Variants in RHBDL2 observed in about 807,000 individuals in gnomAD.
RHBDL2 encodes rhomboid-related protein 2.
RHBDL2 carries 26 observed loss-of-function variants against 31.7 expected under a neutral mutation model. That is an observed-to-expected ratio of 0.82 (90% CI 0.60 to 1.14). The LOEUF is 1.14. Among genes scored for constraint, RHBDL2 ranks in the 50% most tolerant of loss-of-function variants. The probability of loss-of-function intolerance (pLI) is 0.00; values close to 1 mark genes in which losing one functional copy is unlikely to be tolerated. For synonymous variants in RHBDL2, 123 were observed against 127.2 expected, an observed-to-expected ratio of 0.97 and a Z score of 0.22; for missense variants, 336 against 364.4, an observed-to-expected ratio of 0.92 and a Z score of 0.63.
intron 3 of RHBDL2, among the ~76,000 whole-genome samples, chr1:38,911,963 C>T (rs998994337): frequency 6.6e-5 from 10 of 151,800 alleles, no homozygotes; most frequent in African/African-American, 2.2e-4. Flanking sequence ...CCTGCAACCA[C>T]GCCCAGCTAA....
At position 38,935,656 on chromosome 1, in the gene RHBDL2, A is replaced by G. The variant is rs527253991; in HGVS notation, c.-126+6026T>C. 1.4e-3 allele frequency among the ~76,000 whole-genome samples: 212 copies of G among 152,308 alleles called. 2 individuals are homozygous for G. The highest frequency in any genetic ancestry group is 2.7e-3 in the Non-Finnish European group (187 of 68,032). The stretch of plus-strand genomic sequence containing the variant: ...GAGACAGGGTCTCACTCTGTTACCC[A>G]GGCTGGAGTATAGTGGCATGATCTC... On this transcript the variant is annotated intron_variant, in intron 1 of 7. Transcript: ENST00000372990.
intron 1 of RHBDL2, among the ~76,000 whole-genome samples, chr1:38,936,260 T>C (rs929965687): frequency 5.3e-5 from 8 of 152,120 alleles, no homozygotes; most frequent in Admixed American, 4.6e-4. Context: ...TGGCTTTACT[T>C]AATCAGCTTC....
At chr1:38,909,002 C>T (rs898429114) in intron 4 of RHBDL2, among the ~76,000 whole-genome samples, 1 of 152,178 alleles carries the variant, frequency 6.6e-6, no homozygotes, top group Non-Finnish European at 1.5e-5. Context: ...CTCGGCAGCC[C>T]GGGATCTCCT....
chr1:38,887,319 A>C (rs904444007), intron 7 of RHBDL2, among the ~76,000 whole-genome samples: 4 of 152,020 alleles, frequency 2.6e-5, no homozygotes, highest in African/African-American at 9.7e-5. Flanking sequence ...GGACTCAAGC[A>C]ATCCTCCCAT....
At position 38,919,003 on chromosome 1, in the gene RHBDL2, C is replaced by T. The variant is rs374378749; in HGVS notation, c.210G>A (p.Pro70=). 276 of 1,613,976 alleles carry T rather than the reference C, an allele frequency of 1.7e-4. 1 individual carries two copies. Among genetic ancestry groups the T allele is most frequent in the Non-Finnish European group, 2.2e-4 (259 of 1,179,916 alleles). ...TGATGGAGATGATGAACACGGGAGG[C>T]GGGAAGCAGTTAGCTCTCTCCAAGT... ...GTYLERANCF[P]PPVFIISISL... Residue 70 remains proline (P), a synonymous_variant, in exon 2 of 8, where the codon CCG becomes CCA. Transcript: ENST00000372990.
At chr1:38,911,278 A>G in intron 4 of RHBDL2, 44 bp downstream of exon 4, 1 of 1,315,444 alleles carries the variant, frequency 7.6e-7, no homozygotes. Flanking sequence ...TTTTAATCCT[A>G]AGAGCCCAGA....
intron 2 of RHBDL2, 111 bp from the exon 3 acceptor site, chr1:38,915,821 A>G (rs772598518): frequency 1.1e-6 from 1 of 943,470 alleles, no homozygotes; most frequent in Non-Finnish European, 1.6e-6. Context: ...AGTGGGCCAC[A>G]CCATAGTGCC....
intron 4 of RHBDL2, among the ~76,000 whole-genome samples, chr1:38,903,705 A>C (rs900221328): frequency 2.6e-5 from 4 of 152,146 alleles, no homozygotes; most frequent in African/African-American, 9.7e-5. Flanking sequence ...TTTTTTTTAG[A>C]AACGCACAAA....
chr1:38,918,843 T>C, intron 2 of RHBDL2, 124 bp downstream of exon 2: 3 of 1,195,950 alleles, frequency 2.5e-6, no homozygotes, highest in Non-Finnish European at 3.5e-6. Context: ...GTGTGTGCTG[T>C]CCCCATCCCC....
intron 4 of RHBDL2, among the ~76,000 whole-genome samples, chr1:38,903,104 A>G (rs887165186): frequency 1.3e-5 from 2 of 152,138 alleles, no homozygotes; most frequent in Non-Finnish European, 2.9e-5. Flanking sequence ...ACCAAAAAGT[A>G]TATATTTTCA....
chr1:38,900,704 T>G (rs1570918010), intron 4 of RHBDL2, among the ~76,000 whole-genome samples: 1 of 151,928 alleles, frequency 6.6e-6, no homozygotes, highest in East Asian at 1.9e-4. Flanking sequence ...CCAGCCTGGA[T>G]GACAGAGTGA....
At chr1:38,928,172 C>T (rs1174017335) in intron 1 of RHBDL2, among the ~76,000 whole-genome samples, 10 of 133,998 alleles carry the variant, frequency 7.5e-5, no homozygotes, top group Non-Finnish European at 1.1e-4. Context: ...GACGGAGTCT[C>T]GCTTTGTCGC....
chr1:38,909,252 T>C (rs1360370510), intron 4 of RHBDL2, among the ~76,000 whole-genome samples: 9 of 152,134 alleles, frequency 5.9e-5, no homozygotes, highest in African/African-American at 2.2e-4. Flanking sequence ...CCTAGTTCCG[T>C]GGGCACAGGC....
chr1:38,887,146 T>G (rs1043009972), intron 7 of RHBDL2, among the ~76,000 whole-genome samples: 1 of 152,222 alleles, frequency 6.6e-6, no homozygotes, highest in African/African-American at 2.4e-5. Flanking sequence ...ACTGGAAAAT[T>G]TTGTCAATTT....
intron 6 of RHBDL2, among the ~76,000 whole-genome samples, 168 bp from the exon 7 acceptor site, chr1:38,888,192 C>T (rs1260565837): frequency 6.6e-6 from 1 of 152,108 alleles, no homozygotes; most frequent in Non-Finnish European, 1.5e-5. Context: ...TCATCACAAC[C>T]CTGTGAAGTA....
chr1:38,936,797 G>A (rs1368504171), intron 1 of RHBDL2, among the ~76,000 whole-genome samples: 1 of 151,550 alleles, frequency 6.6e-6, no homozygotes, highest in Non-Finnish European at 1.5e-5. Flanking sequence ...ACCGTGCCCA[G>A]CAATTTTTGT....
intron 4 of RHBDL2, among the ~76,000 whole-genome samples, chr1:38,904,775 T>C (rs1355041626): frequency 6.7e-6 from 1 of 150,136 alleles, no homozygotes; most frequent in East Asian, 1.9e-4. Flanking sequence ...CTCACGCCTG[T>C]AATCCCAGCA....
intron 3 of RHBDL2, among the ~76,000 whole-genome samples, chr1:38,914,551 A>G (rs12061575): frequency 0.038 from 5,834 of 151,898 alleles, 348 homozygotes; most frequent in African/African-American, 0.13. Flanking sequence ...CATGAACTAA[A>G]TTTTGTTTGA....
At chr1:38,907,985 A>G (rs1481056704) in intron 4 of RHBDL2, among the ~76,000 whole-genome samples, 1 of 152,116 alleles carries the variant, frequency 6.6e-6, no homozygotes, top group Non-Finnish European at 1.5e-5. Flanking sequence ...TATAAACTAC[A>G]TATTCAGCTA....
Sources: gnomAD v4.1 joint callset for allele counts (sites outside exome capture counted in the v4.1 genomes callset) on GRCh38, gnomAD v4.1.1 for gene constraint, MANE v1.5 for transcripts, NCBI Gene and HGNC (gene_info 2026-07-23, HGNC 2026-07-21) for gene names.